APC2: variants seen among roughly 807,000 people sequenced by gnomAD.
APC2 encodes the protein APC regulator of Wnt signaling pathway 2.
APC2 carries 41 observed loss-of-function variants against 72.5 expected under a neutral mutation model. The observed-to-expected ratio is 0.57, with a 90% CI of 0.44 to 0.73. The LOEUF (loss-of-function observed/expected upper bound fraction) is 0.73. Among genes scored for constraint, APC2 ranks in the 30% least tolerant of loss-of-function variants. The probability of loss-of-function intolerance (pLI) is 0.00; values close to 1 mark genes in which losing one functional copy is unlikely to be tolerated. For missense variants in APC2, 3,729 were observed against 3,403.4 expected (o/e 1.10, Z -2.38); for synonymous variants, 1,898 against 1,612.0 (o/e 1.18, Z -4.25).
rs2083986753 is a variant in APC2, at chr19:1,465,175, A to G, written c.1874A>G (p.Asn625Ser). 2 of 1,604,186 alleles carry G rather than the reference A, an allele frequency of 1.2e-6. No individual in the cohort carries two copies. Among genetic ancestry groups the G allele is most frequent in the Non-Finnish European group, 1.7e-6 (2 of 1,176,396 alleles). The change falls in exon 15 of 15, where the codon AAC becomes AGC. Residue 625 changes from asparagine (N) to serine (S), a missense_variant. Coordinates refer to ENST00000590469, the MANE Select transcript of APC2 (RefSeq NM_005883.3). ...TACAGGCAGGTGCTCCGGGATCACA[A>G]CTGTCTGCAGACGCTGCTGCAGCAT... ...EDYRQVLRDH[N>S]CLQTLLQHLT...
chr19:1,461,394 G>A, intron 13 of APC2: 1 of 569,592 alleles, frequency 1.8e-6, no homozygotes, highest in South Asian at 2.0e-5. Context: ...GGCCAACATG[G>A]TCAGACCCCA....
In APC2 at chr19:1,469,597, A is replaced by T; in HGVS notation, c.6296A>T (p.Tyr2099Phe). ...PAARPETVKRYASLPHISVAR... is the reference protein window; with the variant it reads ...PAARPETVKRFASLPHISVAR... ...GCCCGGCCGGAGACTGTCAAGCGCTACGCGTCGCTGCCGCACATCAGCGTG... is the reference window on the plus strand; with the variant it reads ...GCCCGGCCGGAGACTGTCAAGCGCTTCGCGTCGCTGCCGCACATCAGCGTG... The change falls in exon 15 of 15, where the codon TAC becomes TTC. Residue 2099 changes from tyrosine (Y) to phenylalanine (F), a missense_variant. Coordinates refer to ENST00000590469, the MANE Select transcript of APC2 (RefSeq NM_005883.3). The T allele has an allele frequency of 7.9e-7, 1 of 1,258,830 alleles. No homozygotes were observed. The highest frequency in any genetic ancestry group is 1.0e-6 in the Non-Finnish European group (1 of 991,402). The allele number at this position is 1,258,830 out of a possible 1,614,324, so 78.0% of individuals were successfully genotyped here. A position where few individuals can be genotyped will look rare whatever the true frequency, so the allele number is the denominator to read the frequency against.
rs144976480 is a variant in APC2, at chr19:1,453,224, C to T, written c.142-23C>T. On this transcript the variant is annotated intron_variant, in intron 2 of 14. Coordinates refer to ENST00000590469, the MANE Select transcript of APC2 (RefSeq NM_005883.3). The stretch of plus-strand genomic sequence containing the variant: ...CCCAGTGCAGTGGCTGATGGCTTCC[C>T]GCCCTCTTTCCCGCCCCTGCAGGAG... 6,275 of 1,558,250 alleles carry T rather than the reference C, an allele frequency of 4.0e-3. 135 individuals carry two copies. The African/African-American group carries it at 0.049, about 12-fold the overall frequency.
chr19:1,467,223 G>T lies in APC2; in HGVS notation c.3922G>T (p.Ala1308Ser), dbSNP rs776520448. 2.2e-6 allele frequency: 3 copies of T among 1,368,408 alleles called. No individual in the cohort carries two copies. Among genetic ancestry groups the T allele is most frequent in the Non-Finnish European group, 2.8e-6 (3 of 1,065,426 alleles). The allele number at this position is 1,368,408 out of a possible 1,614,324, so 84.8% of individuals were successfully genotyped here. A position where few individuals can be genotyped will look rare whatever the true frequency, so the allele number is the denominator to read the frequency against. ...GGCCTGCCCCGAGCGCGGCGGGGGC[G>T]CCGGGGGCGCCGGCCTCCACTTTGC... ...PSACPERGGG[A>S]GGAGLHFAGH... is the part of the protein sequence containing the mutation. Residue 1308 changes from alanine (A) to serine (S), a missense_variant, in exon 15 of 15, where the codon GCC (alanine) becomes TCC (serine). Transcript: ENST00000590469.
At position 1,453,289 on chromosome 19, in the gene APC2, C is replaced by A; in HGVS notation, c.184C>A (p.Arg62=). The change falls in exon 3 of 15, where the codon CGA becomes AGA. Residue 62 remains arginine (R), a synonymous_variant. Coordinates refer to ENST00000590469, the MANE Select transcript of APC2 (RefSeq NM_005883.3). ...ACAGGGAAAACTGGAGCAGGAGGCC[C>A]GAGTGCTGGTGTCCTCGGGGCAGAC... ...HLQGKLEQEA[R]VLVSSGQTEV... The A allele has an allele frequency of 6.3e-7, 1 of 1,581,522 alleles. No individual in the cohort carries two copies. Among genetic ancestry groups the A allele is most frequent in the South Asian group, 1.1e-5 (1 of 88,012 alleles).
intron 7 of APC2, 62 bp from the exon 8 acceptor site, chr19:1,456,244 T>G (rs1443727607): frequency 3.2e-6 from 5 of 1,561,228 alleles, no homozygotes; most frequent in Non-Finnish European, 4.3e-6. Context: ...GCCCACATCA[T>G]CACGGGTGAG....
upstream of APC2, among the ~76,000 whole-genome samples, chr19:1,447,930 G>T (rs755736317): frequency 6.6e-6 from 1 of 152,176 alleles, no homozygotes; most frequent in Non-Finnish European, 1.5e-5. Context: ...TGGGGGCCTG[G>T]GGAGCTGAGA....
rs754327827 is a variant in APC2, at chr19:1,456,891, G to A, written c.855G>A (p.Thr285=). Residue 285 remains threonine (T), a synonymous_variant, in exon 9 of 15, where the codon ACG becomes ACA. Coordinates refer to ENST00000590469, the MANE Select transcript of APC2 (RefSeq NM_005883.3). ...TCTGGCTGTTGTCCATGTTGGCGAC[G>A]CGCGACCAGGAGGATACAGCGCGCA... ...VVFWLLSMLA[T]RDQEDTARTL... 9.4e-6 allele frequency: 15 copies of A among 1,591,102 alleles called. 1 individual carries two copies. The South Asian group carries it at 1.6e-4, about 17-fold the overall frequency.
In APC2 at chr19:1,469,191, G is replaced by C. The variant is rs1183124815; in HGVS notation, c.5890G>C (p.Gly1964Arg). 7 of 1,288,072 alleles carry C rather than the reference G, an allele frequency of 5.4e-6. No homozygotes were observed. In the African/African-American group the frequency reaches 1.1e-4, roughly 20 times the overall value. 79.8% of individuals were successfully genotyped at this position (1,288,072 alleles called of 1,614,324 possible). ...RGRAGTEAGP[G>R]ARGGRLGLVR... ...CCGGGCGGGGACCGAGGCGGGCCCG[G>C]GGGCGCGCGGGGGCCGCCTGGGCCT... The change falls in exon 15 of 15, where the codon GGG (glycine) becomes CGG (arginine). Residue 1964 changes from glycine (G) to arginine (R), a missense_variant. Physicochemically the swap from Gly to Arg is moderately radical, Grantham distance 125 (BLOSUM62 -2). Transcript: ENST00000590469.
intron 9 of APC2, 161 bp downstream of exon 9, chr19:1,457,404 G>A (rs574697918): frequency 6.5e-6 from 7 of 1,071,006 alleles, no homozygotes; most frequent in Non-Finnish European, 8.9e-6. Flanking sequence ...ATTTGACGTT[G>A]GGAAAAGACC....
Position 1,468,878 on chromosome 19 carries a change from C to G in APC2, c.5577C>G (p.Pro1859=), listed in dbSNP as rs1030001691. 1.3e-6 allele frequency: 2 copies of G among 1,539,454 alleles called. No individual in the cohort carries two copies. The highest frequency in any genetic ancestry group is 1.4e-5 in the African/African-American group (1 of 71,186). ...AGCTGGCGACGCTGAGCCAGCCCCC[C>G]AGAAGCGCCACACCGCCCGCCCGCC... is the stretch of plus-strand genomic sequence containing the variant. ...TSELATLSQP[P]RSATPPARLA... is the part of the protein sequence containing the mutation. The change falls in exon 15 of 15, where the codon CCC becomes CCG. Residue 1859 remains proline, a synonymous_variant. Transcript: ENST00000590469.
In APC2 at chr19:1,469,889, C is replaced by T. The variant is rs559460131; in HGVS notation, c.6588C>T (p.Val2196=). The stretch of plus-strand genomic sequence containing the variant: ...ACGCCGTGGTCCAGACCGAGGAGGT[C>T]GCCGCCCCCAAGACCAACTCCAGCA... The part of the protein sequence containing the change: ...TSDAVVQTEE[V]AAPKTNSSTS... Residue 2196 remains valine, a synonymous_variant, in exon 15 of 15, where the codon GTC becomes GTT. Coordinates refer to ENST00000590469, the MANE Select transcript of APC2 (RefSeq NM_005883.3). 2 of 1,523,478 alleles carry T rather than the reference C, an allele frequency of 1.3e-6. No individual in the cohort carries two copies. The highest frequency in any genetic ancestry group is 2.8e-5 in the African/African-American group (2 of 71,086). 94.4% of individuals were successfully genotyped at this position (1,523,478 alleles called of 1,614,324 possible).
At chr19:1,448,863 A>AG (rs1344857506), upstream of APC2, among the ~76,000 whole-genome samples, 46 of 149,884 alleles carry the variant, frequency 3.1e-4, no homozygotes, top group East Asian at 7.1e-3. Context: ...AAAAAGAAAA[A>AG]AAAGAAAAAG....
At position 1,468,905 on chromosome 19, in the gene APC2, C is replaced by T. The variant is rs376732568; in HGVS notation, c.5604C>T (p.Leu1868=). 260 of 1,524,946 alleles carry T rather than the reference C, an allele frequency of 1.7e-4. No individual in the cohort carries two copies. In the Middle Eastern group the frequency reaches 4.1e-3, roughly 24 times the overall value. 94.5% of individuals were successfully genotyped at this position (1,524,946 alleles called of 1,614,324 possible). A position where few individuals can be genotyped will look rare whatever the true frequency, so the allele number is the denominator to read the frequency against. ...PPRSATPPAR[L]AKTPSSSSSQ... ...GAAGCGCCACACCGCCCGCCCGCCTCGCCAAGACCCCCTCCTCCAGCTCCT... is the reference window on the plus strand; with the variant it reads ...GAAGCGCCACACCGCCCGCCCGCCTTGCCAAGACCCCCTCCTCCAGCTCCT... The change falls in exon 15 of 15, where the codon CTC becomes CTT. Residue 1868 remains leucine, a synonymous_variant. Coordinates refer to ENST00000590469, the MANE Select transcript of APC2 (RefSeq NM_005883.3).
At position 1,456,839 on chromosome 19, in the gene APC2, T is replaced by C; in HGVS notation, c.817-14T>C. 1.3e-6 allele frequency: 2 copies of C among 1,591,242 alleles called. No individual in the cohort carries two copies. The highest frequency in any genetic ancestry group is 1.7e-4 in the Middle Eastern group (1 of 5,790). On this transcript the variant is annotated splice_polypyrimidine_tract_variant and intron_variant, in intron 8 of 14. Transcript: ENST00000590469. ...CAGGTGAGGGACCCCACCCTGACCC[T>C]GCCCTCCCCCCAGGTGGAGGTGGTC...
At position 1,455,392 on chromosome 19, in the gene APC2, G is replaced by T; in HGVS notation, c.531G>T (p.Ser177=). The T allele has an allele frequency of 6.2e-7, 1 of 1,609,038 alleles. No individual in the cohort carries two copies. The highest frequency in any genetic ancestry group is 8.5e-7 in the Non-Finnish European group (1 of 1,178,290). The change falls in exon 6 of 15, where the codon TCG becomes TCT. Residue 177 remains serine, a synonymous_variant. Transcript: ENST00000590469. ...DELPHVETQF[S]MQMDLIRQQL... is the part of the protein sequence containing the mutation. ...CCGCCTGCCTTTGCCAGCAGTTCTC[G>T]ATGCAGATGGACCTGATCCGGCAGC... is the stretch of plus-strand genomic sequence containing the variant.
upstream of APC2, chr19:1,450,022 C>T (rs1043231553): frequency 2.8e-6 from 2 of 721,052 alleles, no homozygotes; most frequent in African/African-American, 3.9e-5. Flanking sequence ...CGGTCCCCGC[C>T]CCGGGCCGCC....
Position 1,469,604 on chromosome 19 carries a change from G to A in APC2, c.6303G>A (p.Ser2101=). ...CGGAGACTGTCAAGCGCTACGCGTC[G>A]CTGCCGCACATCAGCGTGGCCCGCA... The part of the protein sequence containing the change: ...ARPETVKRYA[S]LPHISVARRP... Residue 2101 remains serine (S), a synonymous_variant, in exon 15 of 15, where the codon TCG becomes TCA. Transcript: ENST00000590469. 2.4e-6 allele frequency: 3 copies of A among 1,256,132 alleles called. No individual in the cohort carries two copies. The highest frequency in any genetic ancestry group is 3.4e-5 in the Admixed American group (1 of 29,540). 77.8% of individuals were successfully genotyped at this position (1,256,132 alleles called of 1,614,324 possible).
chr19:1,450,998 A>G (rs890290822), intron 1 of APC2, among the ~76,000 whole-genome samples: 18 of 152,166 alleles, frequency 1.2e-4, no homozygotes, highest in Admixed American at 1.1e-3. Context: ...TCCTGAGGGC[A>G]CTGGGGAGCC....
Sources: gnomAD v4.1 joint callset for allele counts (sites outside exome capture counted in the v4.1 genomes callset) on GRCh38, gnomAD v4.1.1 for gene constraint, MANE v1.5 for transcripts, NCBI Gene and HGNC (gene_info 2026-07-23, HGNC 2026-07-21) for gene names.